The following CHSY1 variants were observed in gnomAD, a reference collection of about 807,000 sequenced individuals.
CHSY1 encodes chondroitin sulfate synthase 1.
Under a neutral mutation model 59.8 loss-of-function variants are expected in CHSY1, and 13 were observed. That is an observed-to-expected ratio of 0.22 (90% CI 0.14 to 0.35). The LOEUF is 0.35. CHSY1 is among the 10% of genes least tolerant of loss of function. The pLI is 1.00. For synonymous variants in CHSY1, 459 were observed against 401.2 expected, an observed-to-expected ratio of 1.14 and a Z score of -1.72; for missense variants, 947 against 1,030.6, an observed-to-expected ratio of 0.92 and a Z score of 1.11.
At chr15:101,235,786 A>C (rs1484301541) in intron 1 of CHSY1, among the ~76,000 whole-genome samples, 1 of 152,168 alleles carries the variant, frequency 6.6e-6, no homozygotes, top group Admixed American at 6.5e-5. Context: ...AAAATGAAGA[A>C]GTGTTAAAAC....
At chr15:101,243,463 G>C (rs1034921701) in intron 1 of CHSY1, among the ~76,000 whole-genome samples, 2 of 152,090 alleles carry the variant, frequency 1.3e-5, no homozygotes, top group Non-Finnish European at 2.9e-5. Flanking sequence ...GCAAATCACC[G>C]TCTCCCTGAA....
chr15:101,227,198 A>G (rs901424283), intron 2 of CHSY1, among the ~76,000 whole-genome samples: 10 of 152,204 alleles, frequency 6.6e-5, no homozygotes, highest in African/African-American at 2.4e-4. Context: ...GTCTACAATC[A>G]CAGCAAAAAC....
intron 2 of CHSY1, among the ~76,000 whole-genome samples, chr15:101,226,713 G>A (rs1413784915): frequency 2.6e-5 from 4 of 152,174 alleles, no homozygotes; most frequent in Non-Finnish European, 5.9e-5. Flanking sequence ...TTGGCTTTCT[G>A]CACTGTTGTG....
chr15:101,200,304 T>G (rs1157740814), intron 2 of CHSY1, among the ~76,000 whole-genome samples: 3 of 152,154 alleles, frequency 2.0e-5, no homozygotes, highest in African/African-American at 7.2e-5. Flanking sequence ...ACAAAATTAT[T>G]CAGGTTTGCA....
intron 2 of CHSY1, among the ~76,000 whole-genome samples, chr15:101,181,100 G>C (rs1278372062): frequency 6.6e-6 from 1 of 152,194 alleles, no homozygotes; most frequent in Admixed American, 6.5e-5. Flanking sequence ...CCCAGGGTCT[G>C]GGAAGCCATG....
chr15:101,225,959 A>C (rs1376110862), intron 2 of CHSY1, among the ~76,000 whole-genome samples: 3 of 152,102 alleles, frequency 2.0e-5, no homozygotes, highest in African/African-American at 7.2e-5. Flanking sequence ...TCTCACAATC[A>C]CAGGACTCTG....
At chr15:101,191,629 G>C (rs1354993919) in intron 2 of CHSY1, among the ~76,000 whole-genome samples, 5 of 152,188 alleles carry the variant, frequency 3.3e-5, no homozygotes, top group Admixed American at 3.3e-4. Context: ...CACCACTCTG[G>C]TACAAGGTGT....
At position 101,244,122 on chromosome 15, in the gene CHSY1, T is replaced by C. The variant is rs1199841473; in HGVS notation, c.320+7015A>G. On this transcript the variant is annotated intron_variant, in intron 1 of 2. Coordinates refer to ENST00000254190, the MANE Select transcript of CHSY1 (RefSeq NM_014918.5). The stretch of plus-strand genomic sequence containing the variant: ...CTTCAGAGATGACACTGAATTCAGG[T>C]GAGAAGATGGACAGCTTTTATGCTT... 2.0e-5 allele frequency among the ~76,000 whole-genome samples: 3 copies of C among 152,328 alleles called. No individual in the cohort carries two copies. The East Asian group carries it at 5.8e-4, about 29-fold the overall frequency.
intron 1 of CHSY1, among the ~76,000 whole-genome samples, chr15:101,248,953 A>ATTT (rs565187410): frequency 8.1e-5 from 9 of 111,444 alleles, no homozygotes; most frequent in African/African-American, 2.6e-4. Flanking sequence ...AGCCTGGCTA[A>ATTT]TTTTTTTTTT....
chr15:101,212,516 A>G (rs1376396734), intron 2 of CHSY1, among the ~76,000 whole-genome samples: 1 of 152,238 alleles, frequency 6.6e-6, no homozygotes, highest in Non-Finnish European at 1.5e-5. Context: ...AGCCTTATAC[A>G]AGAGTCCACA....
At chr15:101,203,696 C>T (rs768132184) in intron 2 of CHSY1, among the ~76,000 whole-genome samples, 7 of 152,176 alleles carry the variant, frequency 4.6e-5, no homozygotes, top group South Asian at 2.1e-4. Context: ...GGATCATACA[C>T]CGAAATCATG....
chr15:101,227,378 G>T (rs1418491702), intron 2 of CHSY1, among the ~76,000 whole-genome samples: 1 of 152,146 alleles, frequency 6.6e-6, no homozygotes, highest in African/African-American at 2.4e-5. Flanking sequence ...CACCTTCTTG[G>T]AAGGGGATAG....
chr15:101,181,152 G>A (rs2038273468), intron 2 of CHSY1, among the ~76,000 whole-genome samples: 1 of 152,160 alleles, frequency 6.6e-6, no homozygotes, highest in African/African-American at 2.4e-5. Context: ...CGTGACTTAA[G>A]TAACTGCGCA....
intron 2 of CHSY1, among the ~76,000 whole-genome samples, chr15:101,232,626 G>A (rs951110554): frequency 3.3e-5 from 5 of 152,172 alleles, no homozygotes; most frequent in African/African-American, 1.2e-4. Flanking sequence ...AAAGAATGAT[G>A]CATTAGATTG....
chr15:101,177,288 A>G lies in CHSY1; in HGVS notation c.*100T>C, dbSNP rs552808006. 3.4e-6 allele frequency: 4 copies of G among 1,162,034 alleles called. No individual in the cohort carries two copies. The East Asian group carries it at 7.6e-5, about 22-fold the overall frequency. The allele number at this position is 1,162,034 out of a possible 1,614,324, so 72.0% of individuals were successfully genotyped here. On this transcript the variant is annotated 3_prime_UTR_variant, in exon 3 of 3. Coordinates refer to ENST00000254190, the MANE Select transcript of CHSY1 (RefSeq NM_014918.5). ...GTCCTATGTAAGAAAACCACTTGTA[A>G]AATATATCCTTGTATACGGACTTCA...
chr15:101,178,068 T>C lies in CHSY1; in HGVS notation c.1729A>G (p.Asn577Asp). The C allele has an allele frequency of 6.2e-7, 1 of 1,614,178 alleles. No homozygotes were observed. Among genetic ancestry groups the C allele is most frequent in the Non-Finnish European group, 8.5e-7 (1 of 1,180,024 alleles). Reference sequence around the variant, plus strand: ...TCAACTTGTTTGGCCTTGTCAGGGTTGGAGTCAGAATTGAAAAGCAGAACC... The same window carrying C: ...TCAACTTGTTTGGCCTTGTCAGGGTCGGAGTCAGAATTGAAAAGCAGAACC... Reference protein sequence around the residue: ...LVVLLFNSDSNPDKAKQVELM... With the variant: ...LVVLLFNSDSDPDKAKQVELM... The change falls in exon 3 of 3, where the codon AAC (asparagine) becomes GAC (aspartate). Residue 577 changes from asparagine (N) to aspartate (D), a missense_variant. Physicochemically the swap from Asn to Asp is conservative, Grantham distance 23. Around this residue, in one of 4 missense-constraint regions of CHSY1, gnomAD observed 602 missense variants for 676.9 expected, o/e 0.89. Transcript: ENST00000254190.
At chr15:101,241,678 C>A (rs540223488) in intron 1 of CHSY1, among the ~76,000 whole-genome samples, 1 of 152,170 alleles carries the variant, frequency 6.6e-6, no homozygotes, top group East Asian at 1.9e-4. Context: ...CTGTGAGTTC[C>A]CCAAAATCAC....
chr15:101,212,470 T>C (rs1004873307), intron 2 of CHSY1, among the ~76,000 whole-genome samples: 3 of 152,164 alleles, frequency 2.0e-5, no homozygotes, highest in African/African-American at 7.2e-5. Context: ...CACACGACTG[T>C]ATGGATGAGC....
At chr15:101,208,096 T>C (rs778838583) in intron 2 of CHSY1, among the ~76,000 whole-genome samples, 1 of 152,164 alleles carries the variant, frequency 6.6e-6, no homozygotes, top group Non-Finnish European at 1.5e-5. Context: ...AATAAAGCAA[T>C]TACAAATACA....
Sources: gnomAD v4.1 joint callset for allele counts (sites outside exome capture counted in the v4.1 genomes callset) on GRCh38, gnomAD v4.1.1 for gene constraint, gnomAD v4.1.1 regional missense constraint, MANE v1.5 for transcripts, NCBI Gene and HGNC (gene_info 2026-07-23, HGNC 2026-07-21) for gene names.